Variants in KAT7 observed in about 807,000 individuals in gnomAD.
The protein encoded by KAT7 is lysine acetyltransferase 7.
A neutral mutation model predicts 82.1 loss-of-function variants in KAT7; 10 were observed. The observed-to-expected ratio is 0.12, with a 90% confidence interval of 0.08 to 0.21. The LOEUF is 0.21. Ranked by LOEUF, KAT7 falls within the 10% of genes least tolerant of loss-of-function variation. The probability of loss-of-function intolerance (pLI) is 1.00; values close to 1 mark genes in which losing one functional copy is unlikely to be tolerated. For missense variants in KAT7, 378 were observed against 760.9 expected (o/e 0.50, Z 5.92); for synonymous variants, 250 against 262.5 (o/e 0.95, Z 0.46).
chr17:49,794,448 G>C (rs2073929065), intron 2 of KAT7, among the ~76,000 whole-genome samples: 1 of 152,160 alleles, frequency 6.6e-6, no homozygotes, highest in African/African-American at 2.4e-5. Flanking sequence ...ACCATACCTG[G>C]CTATTTTTTG....
In KAT7 at chr17:49,834,145, T is replaced by G. The variant is rs2074444717; in HGVS notation, c.*6643T>G. ...ATATCCTTCTGTATGTATGTATGTA[T>G]TTATTGATTGATCGATTTATGAGAC... On this transcript the variant is annotated 3_prime_UTR_variant, in exon 15 of 15. Transcript: ENST00000259021. 6.6e-6 allele frequency: 1 copy of G among 152,246 alleles called. No homozygotes were observed. Among genetic ancestry groups the G allele is most frequent in the African/African-American group, 2.4e-5 (1 of 41,458 alleles). 9.4% of individuals were successfully genotyped at this position (152,246 alleles called of 1,614,324 possible). A position where few individuals can be genotyped will look rare whatever the true frequency, so the allele number is the denominator to read the frequency against.
At chr17:49,815,612 G>A in intron 7 of KAT7, 191 bp from the exon 8 acceptor site, 1 of 444,352 alleles carries the variant, frequency 2.3e-6, no homozygotes, top group Non-Finnish European at 4.0e-6. Flanking sequence ...GAATCACTGG[G>A]GTGGGTAGTG....
intron 1 of KAT7, chr17:49,789,820 A>G (rs546673386): frequency 6.6e-6 from 1 of 152,256 alleles, no homozygotes; most frequent in East Asian, 1.9e-4. Flanking sequence ...GGTGTATACA[A>G]GGTGTTGCTG....
At position 49,791,894 on chromosome 17, in the gene KAT7, A is replaced by G. The variant is rs748458994; in HGVS notation, c.24A>G (p.Ala8=). MPRRKRN[A]GSSSDGTEDS... The stretch of plus-strand genomic sequence containing the variant: ...GATCTATGGTATTACAGAGGAATGC[A>G]GGCAGTAGTTCAGATGGAACCGAAG... Residue 8 remains alanine, a synonymous_variant, in exon 2 of 15, where the codon GCA becomes GCG. Coordinates refer to ENST00000259021, the MANE Select transcript of KAT7 (RefSeq NM_007067.5). The G allele has an allele frequency of 1.9e-6, 3 of 1,614,132 alleles. No homozygotes were observed. The Admixed American group carries it at 5.0e-5, about 27-fold the overall frequency.
intron 4 of KAT7, among the ~76,000 whole-genome samples, chr17:49,804,244 C>T (rs992807503): frequency 3.3e-5 from 5 of 151,798 alleles, no homozygotes; most frequent in African/African-American, 9.7e-5. Flanking sequence ...CCGGGCGTGG[C>T]GGCAGGCGCC....
At chr17:49,799,827 CT>C (rs1182762465) in intron 4 of KAT7, among the ~76,000 whole-genome samples, 482 of 139,796 alleles carry the variant, frequency 3.4e-3, no homozygotes, top group African/African-American at 7.8e-3. Context: ...TCAAGCTTGG[CT>C]TTTTTTTTTT....
At position 49,792,017 on chromosome 17, in the gene KAT7, A is replaced by G. The variant is rs1386415650; in HGVS notation, c.147A>G (p.Leu49=). Residue 49 remains leucine (L), a synonymous_variant, in exon 2 of 15, where the codon CTA becomes CTG. Transcript: ENST00000259021. ...GAGTCACCCGCTCCTCAGCCAGGCT[A>G]AGCCAGAGTTCTCAAGGTAAAAAAA... ...SARVTRSSAR[L]SQSSQDSSPV... 3.7e-6 allele frequency: 6 copies of G among 1,614,026 alleles called. No homozygotes were observed. In the East Asian group the frequency reaches 1.3e-4, roughly 36 times the overall value.
At chr17:49,798,724 G>A (rs1035245691) in intron 4 of KAT7, among the ~76,000 whole-genome samples, 166 bp downstream of exon 4, 9 of 152,156 alleles carry the variant, frequency 5.9e-5, no homozygotes, top group African/African-American at 2.2e-4. Context: ...TTATCTTCTT[G>A]GCCGATGGTC....
rs1000331392 is a variant in KAT7 at position 49,832,556 on chromosome 17, G to A, written c.*5054G>A. 1.1e-4 allele frequency: 17 copies of A among 152,200 alleles called. No individual in the cohort carries two copies. The highest frequency in any genetic ancestry group is 4.1e-4 in the African/African-American group (17 of 41,442). 9.4% of individuals were successfully genotyped at this position (152,200 alleles called of 1,614,324 possible). On this transcript the variant is annotated 3_prime_UTR_variant, in exon 15 of 15. Coordinates refer to ENST00000259021, the MANE Select transcript of KAT7 (RefSeq NM_007067.5). ...GTTGAAGTCCATTCTTGGACATGGAGTTAAGAAACCCTGGTTTGAGAAAAA... is the reference window on the plus strand; with the variant it reads ...GTTGAAGTCCATTCTTGGACATGGAATTAAGAAACCCTGGTTTGAGAAAAA...
At chr17:49,815,561 A>C (rs1259760267) in intron 7 of KAT7, 1 of 368,870 alleles carries the variant, frequency 2.7e-6, no homozygotes, top group Non-Finnish European at 4.9e-6. Context: ...AGATAGAAGA[A>C]TGAAGCTCCC....
chr17:49,800,811 G>A (rs1433570724), intron 4 of KAT7, among the ~76,000 whole-genome samples: 1 of 152,098 alleles, frequency 6.6e-6, no homozygotes, highest in African/African-American at 2.4e-5. Context: ...ATGAAACTGG[G>A]AGTACTGAGG....
intron 4 of KAT7, 22 bp from the exon 5 acceptor site, chr17:49,805,341 T>A: frequency 6.5e-7 from 1 of 1,528,064 alleles, no homozygotes; most frequent in Admixed American, 1.7e-5. Flanking sequence ...TTCTTGAGAT[T>A]AAGTTTTCCC....
At chr17:49,825,693 GA>G (rs2074360420) in intron 12 of KAT7, among the ~76,000 whole-genome samples, 1 of 152,152 alleles carries the variant, frequency 6.6e-6, no homozygotes, top group South Asian at 2.1e-4. Flanking sequence ...GTGTTGATAG[GA>G]AAATACATAG....
chr17:49,809,945 A>G (rs2074140870), intron 6 of KAT7, among the ~76,000 whole-genome samples: 1 of 152,210 alleles, frequency 6.6e-6, no homozygotes, highest in South Asian at 2.1e-4. Flanking sequence ...TTTGTTCATC[A>G]TTTAGGTGTC....
chr17:49,823,372 C>G, intron 12 of KAT7, 77 bp downstream of exon 12: 1 of 808,678 alleles, frequency 1.2e-6, no homozygotes, highest in Non-Finnish European at 2.1e-6. Context: ...GTCCTGTGGT[C>G]TCTGCAATTC....
chr17:49,810,883 C>T (rs1181694045), intron 6 of KAT7, among the ~76,000 whole-genome samples: 1 of 151,968 alleles, frequency 6.6e-6, no homozygotes, highest in East Asian at 1.9e-4. Flanking sequence ...CCTGTAGTCC[C>T]AGTTACATGG....
chr17:49,809,521 A>G (rs2074135218), intron 6 of KAT7, among the ~76,000 whole-genome samples: 1 of 152,188 alleles, frequency 6.6e-6, no homozygotes, highest in Admixed American at 6.5e-5. Flanking sequence ...AGACTATTGT[A>G]GCTTTCAAAC....
At chr17:49,818,167 G>A (rs1209319690) in intron 9 of KAT7, among the ~76,000 whole-genome samples, 156 bp downstream of exon 9, 2 of 152,118 alleles carry the variant, frequency 1.3e-5, no homozygotes. Flanking sequence ...AGCTTAAGGC[G>A]GGGTATAGAG....
intron 4 of KAT7, among the ~76,000 whole-genome samples, chr17:49,804,829 C>T (rs992782238): frequency 2.6e-5 from 4 of 152,096 alleles, no homozygotes; most frequent in Non-Finnish European, 5.9e-5. Context: ...TCAGTTCTCC[C>T]TCCAAAAAAT....
Sources: allele counts gnomAD v4.1 joint callset (sites outside exome capture counted in the v4.1 genomes callset), GRCh38; gene constraint gnomAD v4.1.1; transcripts MANE v1.5; gene names NCBI Gene and HGNC (gene_info 2026-07-23, HGNC 2026-07-21).